Variants in FARS2 observed in about 807,000 individuals in gnomAD.
The protein encoded by FARS2 is phenylalanine--tRNA ligase, mitochondrial.
FARS2 carries 40 observed loss-of-function variants against 46.4 expected under a neutral mutation model. That is an observed-to-expected ratio of 0.86 (90% confidence interval 0.67 to 1.12). The LOEUF is 1.12. Among genes scored for constraint, FARS2 ranks in the 50% most tolerant of loss-of-function variants. The pLI, the probability that FARS2 is intolerant of heterozygous loss-of-function variation, is 0.00. For missense variants in FARS2, 513 were observed against 567.9 expected (o/e 0.90, Z 0.98); for synonymous variants, 234 against 214.9 (o/e 1.09, Z -0.78).
intron 1 of FARS2, among the ~76,000 whole-genome samples, chr6:5,367,825 A>G (rs1758778805): frequency 6.6e-6 from 1 of 152,268 alleles, no homozygotes; most frequent in Non-Finnish European, 1.5e-5. Context: ...CAGATGTGAG[A>G]AGATTTGCAT....
chr6:5,629,262 T>C (rs1386054470), intron 6 of FARS2, among the ~76,000 whole-genome samples: 9 of 152,224 alleles, frequency 5.9e-5, no homozygotes, highest in Non-Finnish European at 1.3e-4. Context: ...CATAGGTATA[T>C]GTGATTCATT....
At chr6:5,293,544 G>A (rs963596282) in intron 1 of FARS2, among the ~76,000 whole-genome samples, 5 of 152,296 alleles carry the variant, frequency 3.3e-5, no homozygotes, top group African/African-American at 1.2e-4. Context: ...GAAGAGACTA[G>A]CTTCACTACA....
intron 6 of FARS2, among the ~76,000 whole-genome samples, chr6:5,620,041 T>C (rs1245946613): frequency 6.6e-6 from 1 of 152,176 alleles, no homozygotes; most frequent in Non-Finnish European, 1.5e-5. Flanking sequence ...AGTTGGTATA[T>C]GCTTTGCATT....
At chr6:5,724,520 G>A (rs535585960) in intron 6 of FARS2, among the ~76,000 whole-genome samples, 1 of 152,184 alleles carries the variant, frequency 6.6e-6, no homozygotes, top group Non-Finnish European at 1.5e-5. Context: ...CCCCCAGGAC[G>A]CAAAAAGAAA....
intron 3 of FARS2, among the ~76,000 whole-genome samples, chr6:5,427,840 G>T (rs548691045): frequency 1.4e-4 from 21 of 152,084 alleles, no homozygotes; most frequent in African/African-American, 4.8e-4. Flanking sequence ...AAAGAGCAAG[G>T]GTTGATAAAA....
intron 4 of FARS2, among the ~76,000 whole-genome samples, chr6:5,519,375 TGAG>T (rs1208993622): frequency 6.6e-6 from 1 of 152,090 alleles, no homozygotes; most frequent in Non-Finnish European, 1.5e-5. Flanking sequence ...AAATGAGAGT[TGAG>T]GAAGTGGAAA....
At chr6:5,278,977 T>C (rs1482490404) in intron 1 of FARS2, among the ~76,000 whole-genome samples, 1 of 152,176 alleles carries the variant, frequency 6.6e-6, no homozygotes, top group African/African-American at 2.4e-5. Flanking sequence ...TCCATACTGT[T>C]CAGAGGTCTT....
intron 5 of FARS2, among the ~76,000 whole-genome samples, chr6:5,577,349 A>G (rs1773044915): frequency 1.9e-5 from 2 of 107,188 alleles, no homozygotes; most frequent in Admixed American, 1.8e-4. Context: ...GAAAATAGAG[A>G]GAGAGTGAGT....
At chr6:5,431,354 C>T (rs1189161756) in intron 4 of FARS2, among the ~76,000 whole-genome samples, 182 bp downstream of exon 4, 1 of 152,208 alleles carries the variant, frequency 6.6e-6, no homozygotes, top group Non-Finnish European at 1.5e-5. Context: ...ACTTATTTCT[C>T]ACATCCGTAT....
At chr6:5,264,129 C>T (rs544965396) in intron 1 of FARS2, among the ~76,000 whole-genome samples, 1 of 152,224 alleles carries the variant, frequency 6.6e-6, no homozygotes, top group African/African-American at 2.4e-5. Context: ...TGCCTGTAGT[C>T]CCAGCTACTT....
intron 2 of FARS2, among the ~76,000 whole-genome samples, chr6:5,396,290 C>T (rs1484672721): frequency 6.6e-6 from 1 of 152,078 alleles, no homozygotes; most frequent in African/African-American, 2.4e-5. Context: ...TAAAGTTGCT[C>T]AAATATTGTT....
At chr6:5,347,281 C>A (rs1561974623) in intron 1 of FARS2, among the ~76,000 whole-genome samples, 1 of 152,144 alleles carries the variant, frequency 6.6e-6, no homozygotes, top group Non-Finnish European at 1.5e-5. Flanking sequence ...TGCTAATCAT[C>A]CCCTTTACCC....
chr6:5,310,583 T>C (rs983593594), intron 1 of FARS2, among the ~76,000 whole-genome samples: 1 of 152,152 alleles, frequency 6.6e-6, no homozygotes, highest in African/African-American at 2.4e-5. Context: ...TGCGTGTGAA[T>C]TGGTAGTTTA....
At chr6:5,717,908 C>CTATATATATATATATATATATATATATA (rs58922507) in intron 6 of FARS2, among the ~76,000 whole-genome samples, 1 of 77,718 alleles carries the variant, frequency 1.3e-5, no homozygotes, top group African/African-American at 4.2e-5. Context: ...AAGGTATCAG[C>CTATATATATATATATATATATATATATA]TATATATATA....
At position 5,353,210 on chromosome 6, in the gene FARS2, C is replaced by CTATAATT. The variant is rs1383973075; in HGVS notation, c.-21-15340_-21-15339insTATAATT. 3.7e-4 allele frequency among the ~76,000 whole-genome samples: 57 copies of CTATAATT among 152,270 alleles called. No homozygotes were observed. In the South Asian group the frequency reaches 9.3e-3, roughly 25 times the overall value. ...TTAACATAATGTGCTATAGATTCAT[C>CTATAATT]CATGTTGCTGTAAATGACAATTTAA... On this transcript the variant is annotated intron_variant, in intron 1 of 6. Transcript: ENST00000274680.
intron 6 of FARS2, among the ~76,000 whole-genome samples, chr6:5,629,572 A>C (rs957520860): frequency 1.3e-5 from 2 of 152,316 alleles, no homozygotes; most frequent in East Asian, 3.9e-4. Flanking sequence ...GCTAGATCCT[A>C]AAGCCTGTAT....
intron 1 of FARS2, among the ~76,000 whole-genome samples, chr6:5,288,572 A>G (rs963557299): frequency 1.3e-5 from 2 of 152,164 alleles, no homozygotes; most frequent in Non-Finnish European, 2.9e-5. Flanking sequence ...CACAGCCGTG[A>G]TCTGTGGTTT....
At position 5,768,024 on chromosome 6, in the gene FARS2, C is replaced by T. The variant is rs1243117643; in HGVS notation, c.1218-3267C>T. On this transcript the variant is annotated intron_variant, in intron 6 of 6. Coordinates refer to ENST00000274680, the MANE Select transcript of FARS2 (RefSeq NM_006567.5). ...TGGCTTTCCTCGGGAGACCACTCTTCAAGAATGAGGGACCAGGGTCCTCCA... is the reference window on the plus strand; with the variant it reads ...TGGCTTTCCTCGGGAGACCACTCTTTAAGAATGAGGGACCAGGGTCCTCCA... Among the ~76,000 whole-genome samples the T allele has an allele frequency of 7.2e-5, 11 of 152,198 alleles. No homozygotes were observed. The East Asian group carries it at 1.9e-3, about 27-fold the overall frequency.
intron 6 of FARS2, among the ~76,000 whole-genome samples, chr6:5,661,787 G>A (rs73362230): frequency 0.024 from 3,551 of 146,806 alleles, 142 homozygotes; most frequent in African/African-American, 0.086. Flanking sequence ...AAGAAAAGAA[G>A]AGAGACAAGG....
Sources: gnomAD v4.1 joint callset for allele counts (sites outside exome capture counted in the v4.1 genomes callset) on GRCh38, gnomAD v4.1.1 for gene constraint, MANE v1.5 for transcripts, NCBI Gene and HGNC (gene_info 2026-07-23, HGNC 2026-07-21) for gene names.